Variants in MYO9A observed in about 807,000 individuals in gnomAD.
The protein encoded by MYO9A is unconventional myosin-IXa.
MYO9A carries 103 observed loss-of-function variants against 293.3 expected under a neutral mutation model. The observed-to-expected ratio is 0.35, with a 90% CI of 0.30 to 0.41. The LOEUF (loss-of-function observed/expected upper bound fraction) is 0.41. Among genes scored for constraint, MYO9A ranks in the 10% least tolerant of loss-of-function variants. The pLI, the probability that MYO9A is intolerant of heterozygous loss-of-function variation, is 1.00. For synonymous variants in MYO9A, 1,001 were observed against 1,035.7 expected (o/e 0.97, Z 0.64); for missense variants, 2,685 against 3,033.0 (o/e 0.89, Z 2.69).
intron 1 of MYO9A, among the ~76,000 whole-genome samples, chr15:72,091,453 A>C (rs2079906869): frequency 6.6e-6 from 1 of 152,128 alleles, no homozygotes; most frequent in Non-Finnish European, 1.5e-5. Context: ...AGAAATCCTT[A>C]AGACTACAGT....
At chr15:71,912,492 G>T (rs1413361620) in intron 19 of MYO9A, among the ~76,000 whole-genome samples, 1 of 152,174 alleles carries the variant, frequency 6.6e-6, no homozygotes, top group East Asian at 1.9e-4. Flanking sequence ...CTGACCTTGG[G>T]TGATCTGCCT....
At chr15:71,922,096 GC>G (rs2058170986) in intron 18 of MYO9A, among the ~76,000 whole-genome samples, 1 of 152,136 alleles carries the variant, frequency 6.6e-6, no homozygotes, top group East Asian at 1.9e-4. Flanking sequence ...TCCTGCCTCA[GC>G]CTCCTGAGTA....
chr15:71,959,765 T>C, intron 14 of MYO9A, 136 bp downstream of exon 14: 1 of 719,124 alleles, frequency 1.4e-6, no homozygotes, highest in Non-Finnish European at 2.2e-6. Context: ...GAGATGACAC[T>C]AGATTGACTA....
intron 12 of MYO9A, among the ~76,000 whole-genome samples, chr15:71,973,560 C>CA (rs2076065968): frequency 6.6e-6 from 1 of 152,082 alleles, no homozygotes; most frequent in Non-Finnish European, 1.5e-5. Flanking sequence ...GCATAGTGGA[C>CA]TGGATAAAAG....
chr15:71,982,444 C>T (rs1033644925), intron 11 of MYO9A, among the ~76,000 whole-genome samples: 4 of 151,848 alleles, frequency 2.6e-5, no homozygotes, highest in Non-Finnish European at 4.4e-5. Context: ...ATCTGACTTT[C>T]GCTTTATGGT....
chr15:71,884,022 T>C (rs781220583), intron 27 of MYO9A, among the ~76,000 whole-genome samples: 1 of 152,062 alleles, frequency 6.6e-6, no homozygotes, highest in African/African-American at 2.4e-5. Flanking sequence ...TTTTCTAAGA[T>C]GAAACAGCCA....
intron 19 of MYO9A, among the ~76,000 whole-genome samples, chr15:71,909,969 G>A (rs144061308): frequency 0.013 from 1,920 of 151,154 alleles, 56 homozygotes; most frequent in Admixed American, 0.057. Flanking sequence ...ATGAGACTCC[G>A]TCTCAAAATA....
In MYO9A at chr15:71,901,175, A is replaced by T; in HGVS notation, c.3150+16T>A. Reference sequence around the variant, plus strand: ...TAAACTAGTCAATCTCATGCAAAGAATCCTTTGCTTCTCACCTGGATAATA... The same window carrying T: ...TAAACTAGTCAATCTCATGCAAAGATTCCTTTGCTTCTCACCTGGATAATA... On this transcript the variant is annotated intron_variant, in intron 23 of 41. Transcript: ENST00000356056. The T allele has an allele frequency of 1.9e-6, 3 of 1,602,152 alleles. No homozygotes were observed. Among genetic ancestry groups the T allele is most frequent in the Non-Finnish European group, 2.6e-6 (3 of 1,175,936 alleles).
intron 14 of MYO9A, chr15:71,953,519 T>C (rs1343732226): frequency 2.0e-5 from 3 of 152,246 alleles, no homozygotes; most frequent in Admixed American, 2.0e-4. Flanking sequence ...TAATTTATTA[T>C]GTAGAGTTTT....
intron 8 of MYO9A, among the ~76,000 whole-genome samples, chr15:72,005,768 C>A (rs2076998485): frequency 6.6e-6 from 1 of 152,196 alleles, no homozygotes; most frequent in African/African-American, 2.4e-5. Context: ...TGGAGCCTTA[C>A]AACAGACACA....
rs1249466093 is a variant in MYO9A, at chr15:71,933,548, GATCACT to G, written c.2562+116_2562+121del. 7.8e-6 allele frequency: 7 copies of G among 900,356 alleles called. No homozygotes were observed. In the African/African-American group the frequency reaches 1.0e-4, roughly 13 times the overall value. 55.8% of individuals were successfully genotyped at this position (900,356 alleles called of 1,614,324 possible). A position where few individuals can be genotyped will look rare whatever the true frequency, so the allele number is the denominator to read the frequency against. On this transcript the variant is annotated intron_variant, in intron 18 of 41. Transcript: ENST00000356056. The stretch of plus-strand genomic sequence containing the variant: ...CTAAAATGGATTCAACTAAGTGCAC[GATCACT>G]ATCTTGGATACAAATAAGGTTATTT...
At chr15:71,888,203 A>C in intron 26 of MYO9A, 87 bp from the exon 27 acceptor site, 1 of 700,078 alleles carries the variant, frequency 1.4e-6, no homozygotes, top group South Asian at 2.1e-5. Context: ...GAATTACTTG[A>C]GCTATTTAAA....
At chr15:71,957,221 C>G (rs1249860804) in intron 14 of MYO9A, among the ~76,000 whole-genome samples, 2 of 152,152 alleles carry the variant, frequency 1.3e-5, no homozygotes, top group African/African-American at 4.8e-5. Context: ...TCCATATCCT[C>G]ACTAAAATAT....
intron 14 of MYO9A, among the ~76,000 whole-genome samples, chr15:71,955,129 C>CT (rs796862707): frequency 0.013 from 1,793 of 142,094 alleles, 29 homozygotes; most frequent in African/African-American, 0.036. Flanking sequence ...AATTTATTAC[C>CT]TTTTTTTTTT....
chr15:71,831,003 A>C (rs1262815325), intron 39 of MYO9A, among the ~76,000 whole-genome samples: 1 of 105,356 alleles, frequency 9.5e-6, no homozygotes, highest in African/African-American at 3.9e-5. Context: ...TTTTTTAAAC[A>C]TTGGTTACTT....
intron 16 of MYO9A, among the ~76,000 whole-genome samples, chr15:71,936,829 C>T (rs2058655509): frequency 6.6e-6 from 1 of 151,756 alleles, no homozygotes; most frequent in African/African-American, 2.4e-5. Context: ...ATCATCATCC[C>T]TAAGATAATG....
intron 35 of MYO9A, 47 bp from the exon 36 acceptor site, chr15:71,852,307 A>G: frequency 1.3e-6 from 2 of 1,516,736 alleles, no homozygotes; most frequent in Non-Finnish European, 1.8e-6. Flanking sequence ...ACATGCAAAG[A>G]GATTCAAATA....
At chr15:71,830,973 C>CTTTTTTT (rs67440366) in intron 39 of MYO9A, among the ~76,000 whole-genome samples, 3 of 103,076 alleles carry the variant, frequency 2.9e-5, no homozygotes, top group Non-Finnish European at 3.8e-5. Flanking sequence ...CTGCTTCTTC[C>CTTTTTTT]TTTTTTTTTT....
chr15:72,114,780 A>G (rs1470318433), intron 1 of MYO9A, among the ~76,000 whole-genome samples: 6 of 152,228 alleles, frequency 3.9e-5, no homozygotes, highest in African/African-American at 1.4e-4. Context: ...CAATACATTA[A>G]GTCAATATTG....
Sources: allele counts gnomAD v4.1 joint callset (sites outside exome capture counted in the v4.1 genomes callset), GRCh38; gene constraint gnomAD v4.1.1; transcripts MANE v1.5; gene names NCBI Gene and HGNC (gene_info 2026-07-23, HGNC 2026-07-21).